The following LGSN variants were observed in gnomAD, a reference collection of about 807,000 sequenced individuals.
LGSN encodes the protein lengsin.
A neutral mutation model predicts 19.5 loss-of-function variants in LGSN; 21 were observed. The observed-to-expected ratio is 1.07, with a 90% CI of 0.76 to 1.55. LGSN has a LOEUF of 1.55. LGSN is among the 40% of genes most tolerant of loss of function. The probability of loss-of-function intolerance (pLI) is 0.00; values close to 1 mark genes in which losing one functional copy is unlikely to be tolerated. For missense variants in LGSN, 673 were observed against 608.5 expected (o/e 1.11, Z -1.12); for synonymous variants, 257 against 215.6 (o/e 1.19, Z -1.68).
In LGSN at chr6:63,276,125, G is replaced by T. The variant is rs1029872370; in HGVS notation, c.*3896C>A. 1 of 152,152 alleles carries T rather than the reference G, an allele frequency of 6.6e-6. No homozygotes were observed. Among genetic ancestry groups the T allele is most frequent in the Non-Finnish European group, 1.5e-5 (1 of 68,020 alleles). The allele number at this position is 152,152 out of a possible 1,614,324, so 9.4% of individuals were successfully genotyped here. ...TTACCCCTGTCATAGAAAACCCAAG[G>T]TTAAAGGTATTGTCCAGTCATACCT... On this transcript the variant is annotated 3_prime_UTR_variant, in exon 4 of 4. Coordinates refer to ENST00000370657, the MANE Select transcript of LGSN (RefSeq NM_016571.3).
chr6:63,349,271 G>A, the LGSN span, among the ~76,000 whole-genome samples: 9 of 152,196 alleles, frequency 5.9e-5, no homozygotes, highest in African/African-American at 2.2e-4. Flanking sequence ...AAGCCACTCT[G>A]TAATGTAAAT....
chr6:63,415,264 T>C, the LGSN span, among the ~76,000 whole-genome samples: 1 of 152,146 alleles, frequency 6.6e-6, no homozygotes, highest in Non-Finnish European at 1.5e-5. Context: ...GAGTTTGCGG[T>C]GAGCTGAGAT....
chr6:63,315,969 G>C (rs182297869), intron 1 of LGSN, among the ~76,000 whole-genome samples: 1 of 151,494 alleles, frequency 6.6e-6, no homozygotes, highest in African/African-American at 2.4e-5. Flanking sequence ...CAGATAAATT[G>C]CTTGGAATTT....
the LGSN span, among the ~76,000 whole-genome samples, chr6:63,477,061 T>C: frequency 2.0e-5 from 3 of 152,346 alleles, no homozygotes; most frequent in East Asian, 3.9e-4. Flanking sequence ...TTTCTAACAT[T>C]TGCTCTACTG....
chr6:63,549,332 G>C, the LGSN span: 1 of 754,182 alleles, frequency 1.3e-6, no homozygotes, highest in African/African-American at 1.7e-5. Flanking sequence ...ACCTGATATA[G>C]TGGGGGCCAT....
At chr6:63,369,832 A>T in the LGSN span, among the ~76,000 whole-genome samples, 1 of 152,090 alleles carries the variant, frequency 6.6e-6, no homozygotes, top group Admixed American at 6.6e-5. Flanking sequence ...GTGAAACCCC[A>T]TCTCTACTAA....
intron 1 of LGSN, among the ~76,000 whole-genome samples, chr6:63,310,146 T>C (rs763929429): frequency 6.6e-6 from 1 of 152,188 alleles, no homozygotes; most frequent in East Asian, 1.9e-4. Flanking sequence ...TGTTTCCTTC[T>C]TTCCTAGGCT....
the LGSN span, among the ~76,000 whole-genome samples, chr6:63,545,971 T>G: frequency 6.6e-6 from 1 of 152,186 alleles, no homozygotes; most frequent in South Asian, 2.1e-4. Context: ...TTTCAGAGTT[T>G]TAAAAATATT....
At position 63,299,051 on chromosome 6, in the gene LGSN, G is replaced by A. The variant is rs1768089638; in HGVS notation, c.31-4006C>T. On this transcript the variant is annotated intron_variant, in intron 1 of 3. Coordinates refer to ENST00000370657, the MANE Select transcript of LGSN (RefSeq NM_016571.3). ...AAAGTAGGCTTTTTTCTTTTTCAGA[G>A]CTATCCATACCGAGTCCACACATAG... Among the ~76,000 whole-genome samples, 4 of 151,906 alleles carry A rather than the reference G, an allele frequency of 2.6e-5. No homozygotes were observed. The South Asian group carries it at 6.2e-4, about 24-fold the overall frequency.
chr6:63,562,862 A>G, the LGSN span, among the ~76,000 whole-genome samples: 18 of 152,212 alleles, frequency 1.2e-4, no homozygotes, highest in Non-Finnish European at 2.4e-4. Context: ...CTACAAACAT[A>G]TTGCTAATGA....
the LGSN span, among the ~76,000 whole-genome samples, chr6:63,427,340 G>A: frequency 1.1e-4 from 17 of 151,988 alleles, no homozygotes; most frequent in African/African-American, 3.6e-4. Flanking sequence ...CCCCATGCCC[G>A]GCCTCCCTCT....
At chr6:63,566,120 T>C in the LGSN span, among the ~76,000 whole-genome samples, 1 of 152,244 alleles carries the variant, frequency 6.6e-6, no homozygotes, top group Admixed American at 6.5e-5. Context: ...ACTGAACCCA[T>C]AGCTGGAGTT....
chr6:63,554,120 A>G, the LGSN span, among the ~76,000 whole-genome samples: 2 of 152,206 alleles, frequency 1.3e-5, no homozygotes, highest in Non-Finnish European at 2.9e-5. Context: ...TATTCAAAGT[A>G]ACAGATGGTA....
At chr6:63,432,204 AAAAGAAAAGAAAAGAAAAG>A in the LGSN span, among the ~76,000 whole-genome samples, 9 of 121,260 alleles carry the variant, frequency 7.4e-5, no homozygotes, top group Non-Finnish European at 1.4e-4. Context: ...AAAAGAAAAG[AAAAGAAAAGAAAAGAAAAG>A]AAACAGCATT....
At chr6:63,503,736 G>A in the LGSN span, among the ~76,000 whole-genome samples, 3 of 152,066 alleles carry the variant, frequency 2.0e-5, no homozygotes, top group Admixed American at 1.3e-4. Context: ...GCAACATGGT[G>A]AAACCCCGCC....
the LGSN span, among the ~76,000 whole-genome samples, chr6:63,564,035 G>A: frequency 3.3e-5 from 5 of 152,172 alleles, no homozygotes; most frequent in African/African-American, 9.7e-5. Flanking sequence ...AGCACTTTGG[G>A]AGGCCAAGGC....
At chr6:63,427,392 G>C in the LGSN span, among the ~76,000 whole-genome samples, 1 of 151,862 alleles carries the variant, frequency 6.6e-6, no homozygotes, top group African/African-American at 2.4e-5. Flanking sequence ...TAAACATCAT[G>C]GTCATTGCTA....
At chr6:63,440,460 T>C in the LGSN span, among the ~76,000 whole-genome samples, 1 of 152,160 alleles carries the variant, frequency 6.6e-6, no homozygotes, top group Non-Finnish European at 1.5e-5. Flanking sequence ...CTATAATGTG[T>C]CTGTCTGCCT....
chr6:63,365,314 C>A, the LGSN span, among the ~76,000 whole-genome samples: 1 of 152,016 alleles, frequency 6.6e-6, no homozygotes. Context: ...AACACCTCCA[C>A]GCAAATAAAC....
Sources: gnomAD v4.1 joint callset for allele counts (sites outside exome capture counted in the v4.1 genomes callset) on GRCh38, gnomAD v4.1.1 for gene constraint, MANE v1.5 for transcripts, NCBI Gene and HGNC (gene_info 2026-07-23, HGNC 2026-07-21) for gene names.